The following FLT4 variants were observed in gnomAD, a reference collection of about 807,000 sequenced individuals.
FLT4 encodes the protein vascular endothelial growth factor receptor 3.
FLT4 carries 30 observed loss-of-function variants against 163.2 expected under a neutral mutation model. The ratio of observed to expected loss-of-function variants is 0.18; its 90% CI spans 0.14 to 0.25. FLT4 has a LOEUF of 0.25. Ranked by LOEUF, FLT4 falls within the 10% of genes least tolerant of loss-of-function variation. The probability of loss-of-function intolerance (pLI) is 1.00; values close to 1 mark genes in which losing one functional copy is unlikely to be tolerated. For synonymous variants in FLT4, 884 were observed against 789.5 expected, an observed-to-expected ratio of 1.12 and a Z score of -2.01; for missense variants, 1,510 against 1,863.8, an observed-to-expected ratio of 0.81 and a Z score of 3.50.
Position 180,620,070 on chromosome 5 carries a change from C to T in FLT4, c.2542+103G>A, listed in dbSNP as rs1461238346. On this transcript the variant is annotated intron_variant, in intron 17 of 29. Coordinates refer to ENST00000261937, the MANE Select transcript of FLT4 (RefSeq NM_182925.5). This position sits in a 1 kb window ranked among gnomAD's most constrained non-coding sequence, Gnocchi z 4.4. The stretch of plus-strand genomic sequence containing the variant: ...CAGGGACAGGTCAGGCCAGGCGGAA[C>T]TTCCTGGTGCAAGTTTTGAAAATGG... The T allele has an allele frequency of 6.9e-7, 1 of 1,444,724 alleles. No individual in the cohort carries two copies. Among genetic ancestry groups the T allele is most frequent in the Non-Finnish European group, 9.4e-7 (1 of 1,061,922 alleles). 89.5% of individuals were successfully genotyped at this position (1,444,724 alleles called of 1,614,324 possible). A position where few individuals can be genotyped will look rare whatever the true frequency, so the allele number is the denominator to read the frequency against.
chr5:180,633,066 C>T (rs571803888), intron 1 of FLT4, among the ~76,000 whole-genome samples: 11 of 152,132 alleles, frequency 7.2e-5, no homozygotes, highest in African/African-American at 1.2e-4. Context: ...CCCAGGGTCC[C>T]GCCCTGAAGC....
intron 19 of FLT4, 27 bp downstream of exon 19, chr5:180,619,226 C>A (rs749296898): frequency 4.5e-6 from 7 of 1,546,668 alleles, no homozygotes; most frequent in Non-Finnish European, 6.1e-6. Flanking sequence ...GGGGTCTCGC[C>A]GTCCCAGCGG....
At chr5:180,626,335 A>G (rs898398990) in intron 8 of FLT4, 70 bp from the exon 9 acceptor site, 2 of 1,550,746 alleles carry the variant, frequency 1.3e-6, no homozygotes, top group Non-Finnish European at 1.8e-6. Context: ...TGGCACCCCC[A>G]CCCCAAATAC....
intron 8 of FLT4, 93 bp downstream of exon 8, chr5:180,628,789 C>A: frequency 1.1e-6 from 1 of 894,808 alleles, no homozygotes. Context: ...CAGGTCCTGA[C>A]GGGGAGGACG....
At position 180,614,183 on chromosome 5, in the gene FLT4, G is replaced by T. The variant is rs1349843357; in HGVS notation, c.3220-4C>A. Reference sequence around the variant, plus strand: ...TCCACTTCAGGGGCAGCCGGGCCTGGGGAGACAGAGGGAAGCTTGTCCCGT... The same window carrying T: ...TCCACTTCAGGGGCAGCCGGGCCTGTGGAGACAGAGGGAAGCTTGTCCCGT... On this transcript the variant is annotated splice_polypyrimidine_tract_variant and splice_region_variant and intron_variant, in intron 23 of 29. Transcript: ENST00000261937. The T allele has an allele frequency of 3.1e-6, 5 of 1,594,256 alleles. No homozygotes were observed. The highest frequency in any genetic ancestry group is 4.3e-6 in the Non-Finnish European group (5 of 1,165,042).
chr5:180,623,462 A>G lies in FLT4; in HGVS notation c.1548+473T>C, dbSNP rs1009494521. Among the ~76,000 whole-genome samples, 1 of 136,346 alleles carries G rather than the reference A, an allele frequency of 7.3e-6. No individual in the cohort carries two copies. The highest frequency in any genetic ancestry group is 2.7e-5 in the African/African-American group (1 of 37,588). The allele number at this position is 136,346 out of a possible 152,430, so 89.4% of individuals were successfully genotyped here. A position where few individuals can be genotyped will look rare whatever the true frequency, so the allele number is the denominator to read the frequency against. ...ACCCCCACCCCACCCCCAGCTGGGC[A>G]CTTCCTGTCCAGGACTGGAACAGGA... is the stretch of plus-strand genomic sequence containing the variant. On this transcript the variant is annotated intron_variant, in intron 11 of 29. Transcript: ENST00000261937. The surrounding 1 kb of genome is among the most constrained non-coding windows in gnomAD (Gnocchi z 5.8).
chr5:180,618,708 T>C (rs1762866854), intron 21 of FLT4, 62 bp downstream of exon 21: 2 of 1,000,798 alleles, frequency 2.0e-6, no homozygotes, highest in Non-Finnish European at 2.8e-6. Flanking sequence ...CTGGGGTGCC[T>C]GATCACGGGA....
At chr5:180,611,786 A>T in intron 26 of FLT4, 1 of 479,622 alleles carries the variant, frequency 2.1e-6, no homozygotes, top group African/African-American at 1.9e-5. Context: ...ATAAGGGGTC[A>T]AGGTAGCAGA....
At chr5:180,628,167 C>G (rs1476845128) in intron 8 of FLT4, among the ~76,000 whole-genome samples, 3 of 152,208 alleles carry the variant, frequency 2.0e-5, no homozygotes, top group Non-Finnish European at 4.4e-5. Context: ...CCTTTCCTAG[C>G]CTCTGCTTCC....
intron 6 of FLT4, 74 bp downstream of exon 6, chr5:180,629,622 G>A (rs750615208): frequency 1.0e-5 from 16 of 1,542,490 alleles, no homozygotes; most frequent in South Asian, 1.0e-4. Context: ...TCCTCCACGC[G>A]GAGGCCCAGT....
rs189047754 is a variant in FLT4 at position 180,625,298 on chromosome 5, G to A, written c.1421+571C>T. On this transcript the variant is annotated intron_variant, in intron 10 of 29. Coordinates refer to ENST00000261937, the MANE Select transcript of FLT4 (RefSeq NM_182925.5). ...AAATGTCCTGCTGGCATCCCGCTCA[G>A]TGGAGGGGAGCACGGCTCAGCAGGT... 4.1e-3 allele frequency among the ~76,000 whole-genome samples: 631 copies of A among 152,328 alleles called. 1 individual carries two copies. The highest frequency in any genetic ancestry group is 5.4e-3 in the African/African-American group (223 of 41,574).
intron 7 of FLT4, 88 bp downstream of exon 7, chr5:180,629,171 T>C: frequency 3.2e-6 from 5 of 1,558,960 alleles, no homozygotes; most frequent in Non-Finnish European, 4.4e-6. Flanking sequence ...CTCCCTTCCC[T>C]CTGGCTGGAC....
In FLT4 at chr5:180,649,530, C is replaced by T. The variant is rs1356792862; in HGVS notation, c.16G>A (p.Ala6Thr). ...CAGAGCCACAGTCGCAGGCACAGCG[C>T]GGCGCCCCGCTGCATCTCCGGCCGC... is the stretch of plus-strand genomic sequence containing the variant. MQRGAALCLRLWLCLG... is the reference protein window; with the variant it reads MQRGATLCLRLWLCLG... Residue 6 changes from alanine (A) to threonine (T), a missense_variant, in exon 1 of 30, where the codon GCG becomes ACG. By Grantham distance (58) the Ala-to-Thr change is moderately conservative. Coordinates refer to ENST00000261937, the MANE Select transcript of FLT4 (RefSeq NM_182925.5). 3 of 1,440,764 alleles carry T rather than the reference C, an allele frequency of 2.1e-6. No individual in the cohort carries two copies. In the African/African-American group the frequency reaches 4.4e-5, roughly 21 times the overall value. The allele number at this position is 1,440,764 out of a possible 1,614,324, so 89.2% of individuals were successfully genotyped here.
rs2127781836 is a variant in FLT4 at position 180,603,375 on chromosome 5, G to A, written c.3909C>T (p.Gly1303=). 6.2e-7 allele frequency: 1 copy of A among 1,613,996 alleles called. No homozygotes were observed. The change falls in exon 30 of 30, where the codon GGC becomes GGT. Residue 1303 remains glycine (G), a synonymous_variant. Coordinates refer to ENST00000261937, the MANE Select transcript of FLT4 (RefSeq NM_182925.5). ...QESGFSCKGP[G]QNVAVTRAHP... ...GTGCCCTGGTCACAGCCACATTCTG[G>A]CCAGGTCCTTTACAGCTGCCAAGAC...
rs1400812229 is a variant in FLT4, at chr5:180,616,460, G to A, written c.3126C>T (p.Asn1042=). ...CCACGTCGCTTTCCGACAGCAGAAT[G>A]TTCCGAGCAGCCAGGTCTCTGTGGA... ...KCIHRDLAAR[N]ILLSESDVVK... is the part of the protein sequence containing the mutation. The change falls in exon 23 of 30, where the codon AAC becomes AAT. Residue 1042 remains asparagine, a synonymous_variant. Coordinates refer to ENST00000261937, the MANE Select transcript of FLT4 (RefSeq NM_182925.5). The A allele has an allele frequency of 6.2e-7, 1 of 1,613,930 alleles. No homozygotes were observed. The highest frequency in any genetic ancestry group is 1.1e-5 in the South Asian group (1 of 91,082).
At chr5:180,611,524 C>T in intron 26 of FLT4, 45 bp from the exon 27 acceptor site, 1 of 1,608,692 alleles carries the variant, frequency 6.2e-7, no homozygotes, top group Non-Finnish European at 8.5e-7. Flanking sequence ...CCACCAGCCA[C>T]TGCCCTCAGC....
In FLT4 at chr5:180,601,703, CTCCCAGGGAA is replaced by C. The variant is rs1030361470; in HGVS notation, c.*1479_*1488del. 78 of 233,340 alleles carry C rather than the reference CTCCCAGGGAA, an allele frequency of 3.3e-4. No homozygotes were observed. The highest frequency in any genetic ancestry group is 1.6e-3 in the African/African-American group (74 of 45,458). 14.5% of individuals were successfully genotyped at this position (233,340 alleles called of 1,614,324 possible). Reference sequence around the variant, plus strand: ...CTCTGCAGAGAACAACCTCCAGATCCTCCCAGGGAAGCCTGACACGCCAGTCCCACGTTGG... The same window carrying C: ...CTCTGCAGAGAACAACCTCCAGATCCGCCTGACACGCCAGTCCCACGTTGG... On this transcript the variant is annotated 3_prime_UTR_variant, in exon 30 of 30. Coordinates refer to ENST00000261937, the MANE Select transcript of FLT4 (RefSeq NM_182925.5).
intron 22 of FLT4, 56 bp downstream of exon 22, chr5:180,616,844 G>A: frequency 4.4e-6 from 6 of 1,360,668 alleles, no homozygotes; most frequent in South Asian, 1.2e-5. Context: ...GCACTTCTTG[G>A]CGACTGGTGG....
In FLT4 at chr5:180,618,899, C is replaced by T. The variant is rs766043774; in HGVS notation, c.2872G>A (p.Gly958Arg). ...AGCTCCACCATGGCGCGGAAGCGTC[C>T]GCGCTGCTCGGGAGACTTCTCCTGC... ...PCAEKSPEQR[G>R]RFRAMVELAR... is the part of the protein sequence containing the mutation. Residue 958 changes from glycine (G) to arginine (R), a missense_variant, in exon 21 of 30, where the codon GGA becomes AGA. By Grantham distance (125) the Gly-to-Arg change is moderately radical. Around this residue, in one of 5 missense-constraint regions of FLT4, gnomAD observed 878 missense variants for 1,016.7 expected, o/e 0.86. Transcript: ENST00000261937. 6 of 1,586,506 alleles carry T rather than the reference C, an allele frequency of 3.8e-6. No homozygotes were observed. In the South Asian group the frequency reaches 6.9e-5, roughly 18 times the overall value.
Sources: gnomAD v4.1 joint callset for allele counts (sites outside exome capture counted in the v4.1 genomes callset) on GRCh38, gnomAD v4.1.1 for gene constraint, gnomAD v4.1.1 regional missense constraint, Gnocchi (gnomAD v3.1) non-coding constraint, MANE v1.5 for transcripts, NCBI Gene and HGNC (gene_info 2026-07-23, HGNC 2026-07-21) for gene names.